COL18A1: variants seen among roughly 807,000 people sequenced by gnomAD.
COL18A1 encodes the protein collagen alpha-1(XVIII) chain.
A neutral mutation model predicts 168.0 loss-of-function variants in COL18A1; 133 were observed. That is an observed-to-expected ratio of 0.79 (90% CI 0.69 to 0.91). The LOEUF is 0.91. Among genes scored for constraint, COL18A1 ranks in the 40% least tolerant of loss-of-function variants. The pLI is 0.00. For missense variants in COL18A1, 2,126 were observed against 1,925.4 expected (o/e 1.10, Z -1.95); for synonymous variants, 949 against 809.0 (o/e 1.17, Z -2.94).
chr21:45,506,870 CCAGA>C (rs975397012), intron 37 of COL18A1: 7 of 190,768 alleles, frequency 3.7e-5, no homozygotes, highest in African/African-American at 1.4e-4. Flanking sequence ...CTGCAGCACC[CCAGA>C]CAGTGAATCC....
chr21:45,456,131 C>T lies in COL18A1; in HGVS notation c.107-12111C>T, dbSNP rs199725915. The T allele has an allele frequency of 7.7e-4, 1,228 of 1,585,182 alleles. 1 individual carries two copies. The highest frequency in any genetic ancestry group is 1.4e-3 in the Admixed American group (82 of 58,570). ...CCCATCGCCTCCCTCCCTGGGCAGG[C>T]CCTGGGCACCACTCACGGGGCCCTC... is the stretch of plus-strand genomic sequence containing the variant. On this transcript the variant is annotated intron_variant, in intron 2 of 41. Transcript: ENST00000651438.
intron 2 of COL18A1, among the ~76,000 whole-genome samples, chr21:45,437,613 G>A (rs1602381371): frequency 2.7e-5 from 1 of 37,202 alleles, no homozygotes; most frequent in Non-Finnish European, 4.3e-5. Context: ...CAGACACACA[G>A]GCACTCTCCT....
chr21:45,496,232 T>C, intron 29 of COL18A1: 1 of 664,436 alleles, frequency 1.5e-6, no homozygotes, highest in Non-Finnish European at 2.8e-6. Context: ...TCAGTCACCT[T>C]TTTACCTGAG....
At chr21:45,500,199 T>TGA (rs1202943861) in intron 32 of COL18A1, among the ~76,000 whole-genome samples, 2 of 45,978 alleles carry the variant, frequency 4.3e-5, no homozygotes, top group Non-Finnish European at 8.3e-5. Flanking sequence ...GTGTGTGGAG[T>TGA]GTGTGTGGCT....
At chr21:45,435,303 G>T (rs1189899659) in intron 2 of COL18A1, among the ~76,000 whole-genome samples, 1 of 129,250 alleles carries the variant, frequency 7.7e-6, no homozygotes, top group African/African-American at 2.8e-5. Flanking sequence ...GAGGAAGGTG[G>T]GGTGGGGGTG....
intron 22 of COL18A1, 56 bp downstream of exon 22, chr21:45,491,370 G>T: frequency 4.0e-6 from 4 of 996,370 alleles, no homozygotes; most frequent in Non-Finnish European, 6.2e-6. Context: ...ACGGGGTGCA[G>T]AGATCCCTCC....
chr21:45,417,805 A>C (rs1209873909), intron 2 of COL18A1, among the ~76,000 whole-genome samples: 1 of 152,174 alleles, frequency 6.6e-6, no homozygotes, highest in African/African-American at 2.4e-5. Flanking sequence ...TGAAGTGGTG[A>C]AGGAGGTGCT....
At chr21:45,432,750 C>T (rs902969268) in intron 2 of COL18A1, among the ~76,000 whole-genome samples, 2 of 152,168 alleles carry the variant, frequency 1.3e-5, no homozygotes, top group African/African-American at 2.4e-5. Flanking sequence ...TCTCTGGGCA[C>T]GTGGCTCTGT....
rs567186855 is a variant in COL18A1 at position 45,487,270 on chromosome 21, G to C, written c.1834-177G>C. Among the ~76,000 whole-genome samples, 652 of 152,324 alleles carry C rather than the reference G, an allele frequency of 4.3e-3. 5 individuals are homozygous for C. The highest frequency in any genetic ancestry group is 0.015 in the African/African-American group (620 of 41,580). On this transcript the variant is annotated intron_variant, in intron 16 of 41. Transcript: ENST00000651438. ...CTGACCCGAGACGGGCTGCCCCGGG[G>C]GGGCTCCACCCAGGCCCTGCCACCA...
intron 2 of COL18A1, among the ~76,000 whole-genome samples, chr21:45,449,138 C>T (rs530695263): frequency 2.6e-5 from 4 of 152,336 alleles, no homozygotes; most frequent in African/African-American, 9.6e-5. Context: ...CGGCTCATGA[C>T]CCTTCACCAG....
intron 18 of COL18A1, among the ~76,000 whole-genome samples, chr21:45,488,977 C>T (rs2036207644): frequency 6.6e-6 from 1 of 152,098 alleles, no homozygotes; most frequent in African/African-American, 2.4e-5. Flanking sequence ...TCTCCTAGGC[C>T]CTGGGCAGCA....
intron 2 of COL18A1, among the ~76,000 whole-genome samples, chr21:45,464,331 G>A (rs917152127): frequency 2.0e-5 from 3 of 152,144 alleles, no homozygotes; most frequent in African/African-American, 7.2e-5. Context: ...CCAACCTGGG[G>A]CCAAAAAAGA....
chr21:45,466,433 C>T (rs374511332), intron 2 of COL18A1, among the ~76,000 whole-genome samples: 2 of 152,174 alleles, frequency 1.3e-5, no homozygotes, highest in Admixed American at 6.5e-5. Flanking sequence ...CAGGAGGGGC[C>T]GCCCCACCAT....
chr21:45,429,177 A>G (rs547910382), intron 2 of COL18A1, among the ~76,000 whole-genome samples: 2 of 151,906 alleles, frequency 1.3e-5, no homozygotes, highest in South Asian at 2.1e-4. Context: ...TTGGGATTAC[A>G]GGCGTGAGCC....
chr21:45,452,891 A>G (rs1052552208), intron 2 of COL18A1, among the ~76,000 whole-genome samples: 2 of 151,876 alleles, frequency 1.3e-5, no homozygotes, highest in Non-Finnish European at 2.9e-5. Flanking sequence ...TTCACATGTG[A>G]CATGTGAGCA....
chr21:45,508,252 G>GGTGGA (rs2037351641), intron 38 of COL18A1, among the ~76,000 whole-genome samples: 2 of 150,326 alleles, frequency 1.3e-5, no homozygotes, highest in Admixed American at 6.6e-5. Context: ...TGAGTGGATG[G>GGTGGA]TGGACAGGTG....
intron 2 of COL18A1, chr21:45,456,562 C>G: frequency 1.3e-6 from 2 of 1,546,360 alleles, no homozygotes; most frequent in Non-Finnish European, 1.7e-6. Flanking sequence ...TGCCAGTCTG[C>G]GGCCACCTGG....
At position 45,405,169 on chromosome 21, in the gene COL18A1, C is replaced by CGAGCGGCACCCGCG. The variant is rs1438655944; in HGVS notation, c.-56_-55insCACCCGCGGAGCGG. The CGAGCGGCACCCGCG allele has an allele frequency of 3.2e-6, 1 of 310,246 alleles. No homozygotes were observed. The highest frequency in any genetic ancestry group is 5.8e-6 in the Non-Finnish European group (1 of 171,754). 19.2% of individuals were successfully genotyped at this position (310,246 alleles called of 1,614,324 possible). ...CGGCGGCGGCTGCAGCGCGGCGGTC[C>CGAGCGGCACCCGCG]GAGCGGGTGCACCGCGGCGGAGGAG... On this transcript the variant is annotated 5_prime_UTR_variant, in exon 1 of 42. Transcript: ENST00000651438.
chr21:45,405,559 C>A, intron 2 of COL18A1, 86 bp downstream of exon 2: 2 of 840,378 alleles, frequency 2.4e-6, no homozygotes, highest in Non-Finnish European at 3.1e-6. Context: ...GCTCCCTCAC[C>A]CCCGCCCCGG....
Sources: allele counts gnomAD v4.1 joint callset (sites outside exome capture counted in the v4.1 genomes callset), GRCh38; gene constraint gnomAD v4.1.1; transcripts MANE v1.5; gene names NCBI Gene and HGNC (gene_info 2026-07-23, HGNC 2026-07-21).